Variants in NALCN observed in about 807,000 individuals in gnomAD.
NALCN encodes the protein sodium leak channel NALCN.
In NALCN, 111 loss-of-function variants were observed where a neutral mutation model predicts 225.3. The ratio of observed to expected loss-of-function variants is 0.49; its 90% CI spans 0.42 to 0.58. The LOEUF is 0.58. Ranked by LOEUF, NALCN falls within the 20% of genes least tolerant of loss-of-function variation. NALCN has a pLI of 0.00. For missense variants in NALCN, 1,378 were observed against 2,202.4 expected, an observed-to-expected ratio of 0.63 and a Z score of 7.49; for synonymous variants, 764 against 769.0, an observed-to-expected ratio of 0.99 and a Z score of 0.11.
At chr13:101,341,540 G>A (rs373728851) in intron 7 of NALCN, among the ~76,000 whole-genome samples, 1 of 152,058 alleles carries the variant, frequency 6.6e-6, no homozygotes, top group Non-Finnish European at 1.5e-5. Flanking sequence ...TGCATCCTTC[G>A]AATCTGTAAT....
At chr13:101,392,528 A>C (rs2047175169) in intron 3 of NALCN, among the ~76,000 whole-genome samples, 1 of 152,196 alleles carries the variant, frequency 6.6e-6, no homozygotes, top group South Asian at 2.1e-4. Context: ...ACATACTTCA[A>C]ATCCCAATTT....
In NALCN at chr13:101,055,294, C is replaced by T. The variant is rs1416347189; in HGVS notation, c.*1G>A. The T allele has an allele frequency of 1.2e-6, 2 of 1,610,512 alleles. No individual in the cohort carries two copies. Among genetic ancestry groups the T allele is most frequent in the East Asian group, 4.5e-5 (2 of 44,768 alleles). ...AGAAATTCATCTACATTGACATCCACCTAAATATCCAGAAGGTCATCCCCA... is the reference window on the plus strand; with the variant it reads ...AGAAATTCATCTACATTGACATCCATCTAAATATCCAGAAGGTCATCCCCA... On this transcript the variant is annotated 3_prime_UTR_variant, in exon 44 of 44. Coordinates refer to ENST00000251127, the MANE Select transcript of NALCN (RefSeq NM_052867.4).
At chr13:101,093,154 T>C (rs2034323438) in intron 28 of NALCN, among the ~76,000 whole-genome samples, 1 of 152,192 alleles carries the variant, frequency 6.6e-6, no homozygotes, top group African/African-American at 2.4e-5. Context: ...TTATAATCCA[T>C]GATATGTTTA....
At chr13:101,076,445 G>T (rs1449417452) in intron 34 of NALCN, among the ~76,000 whole-genome samples, 2 of 152,210 alleles carry the variant, frequency 1.3e-5, no homozygotes, top group African/African-American at 4.8e-5. Context: ...TTTTTCAAGG[G>T]TGTGATTAGC....
intron 11 of NALCN, 32 bp downstream of exon 11, chr13:101,258,411 C>T (rs201843665): frequency 3.7e-4 from 598 of 1,612,974 alleles, no homozygotes; most frequent in Middle Eastern, 8.3e-4. Flanking sequence ...CTGCTCCTTG[C>T]CCAGCGATCT....
intron 6 of NALCN, among the ~76,000 whole-genome samples, chr13:101,347,727 G>A (rs1286201041): frequency 6.6e-6 from 1 of 152,098 alleles, no homozygotes; most frequent in East Asian, 1.9e-4. Flanking sequence ...GGGCCTCTAA[G>A]CTCAGCTTCC....
intron 3 of NALCN, among the ~76,000 whole-genome samples, chr13:101,384,849 G>A (rs1048186352): frequency 1.3e-5 from 2 of 152,194 alleles, no homozygotes; most frequent in African/African-American, 2.4e-5. Context: ...GCACCTTCAA[G>A]CTTTGGGAAT....
chr13:101,083,654 C>T, intron 31 of NALCN, 57 bp downstream of exon 31: 1 of 1,529,686 alleles, frequency 6.5e-7, no homozygotes, highest in South Asian at 1.1e-5. Flanking sequence ...TCTGAGACTC[C>T]TGGGGAATCG....
intron 15 of NALCN, among the ~76,000 whole-genome samples, chr13:101,173,411 G>A (rs2038827764): frequency 6.6e-6 from 1 of 152,052 alleles, no homozygotes; most frequent in African/African-American, 2.4e-5. Flanking sequence ...AATTGCCTAG[G>A]TTCAAATTCT....
At chr13:101,063,261 T>C (rs2139414748) in intron 40 of NALCN, among the ~76,000 whole-genome samples, 1 of 152,356 alleles carries the variant, frequency 6.6e-6, no homozygotes, top group South Asian at 2.1e-4. Flanking sequence ...GGGCTTCTCT[T>C]TGCTAAATCT....
intron 7 of NALCN, among the ~76,000 whole-genome samples, chr13:101,306,143 C>T (rs970348089): frequency 2.0e-5 from 3 of 152,144 alleles, no homozygotes; most frequent in Non-Finnish European, 4.4e-5. Context: ...GTGCCCGAGG[C>T]CAGTTGGTGA....
intron 17 of NALCN, among the ~76,000 whole-genome samples, chr13:101,139,396 G>A (rs2036959079): frequency 6.6e-6 from 1 of 152,110 alleles, no homozygotes; most frequent in African/African-American, 2.4e-5. Flanking sequence ...TATTTTCCCT[G>A]GAAAGAGAAA....
intron 13 of NALCN, among the ~76,000 whole-genome samples, chr13:101,195,377 C>G (rs9513866): frequency 0.27 from 41,362 of 152,038 alleles, 6,665 homozygotes; most frequent in Non-Finnish European, 0.37. Context: ...TTGCAAAGAT[C>G]AGTTTTAAAT....
intron 14 of NALCN, among the ~76,000 whole-genome samples, chr13:101,189,564 G>C (rs1016386266): frequency 5.3e-5 from 8 of 152,198 alleles, no homozygotes; most frequent in African/African-American, 1.9e-4. Context: ...GATCAGGGAA[G>C]TTATGTGAGT....
intron 41 of NALCN, among the ~76,000 whole-genome samples, chr13:101,060,925 G>A (rs1274291224): frequency 1.3e-5 from 2 of 152,222 alleles, no homozygotes; most frequent in African/African-American, 4.8e-5. Flanking sequence ...CTTGCTATAG[G>A]AGGTTGAGTT....
At position 101,065,547 on chromosome 13, in the gene NALCN, C is replaced by G. The variant is rs572571158; in HGVS notation, c.4461G>C (p.Thr1487=). 17 of 1,613,924 alleles carry G rather than the reference C, an allele frequency of 1.1e-5. No individual in the cohort carries two copies. Among genetic ancestry groups the G allele is most frequent in the Admixed American group, 3.3e-5 (2 of 60,022 alleles). ...VDDKREGVIP[T]FRVKFLLRLL... ...GCCGCAGCAGGAACTTGACGCGGAA[C>G]GTGGGGATCACCCCCTGCGGGGCAG... Residue 1487 remains threonine (T), a synonymous_variant, in exon 40 of 44, where the codon ACG becomes ACC. Transcript: ENST00000251127.
At chr13:101,190,580 C>T (rs1184844223) in intron 14 of NALCN, among the ~76,000 whole-genome samples, 1 of 152,208 alleles carries the variant, frequency 6.6e-6, no homozygotes, top group Non-Finnish European at 1.5e-5. Context: ...TATAAAAAGG[C>T]CAAAACTATG....
intron 19 of NALCN, 34 bp downstream of exon 19, chr13:101,111,091 G>C: frequency 6.3e-7 from 1 of 1,577,638 alleles, no homozygotes; most frequent in East Asian, 2.3e-5. Context: ...CCCTTTTTTA[G>C]AGTCTCTGAA....
At chr13:101,249,361 T>A (rs1209891490) in intron 11 of NALCN, among the ~76,000 whole-genome samples, 1 of 152,180 alleles carries the variant, frequency 6.6e-6, no homozygotes, top group African/African-American at 2.4e-5. Context: ...TAGATGGTGT[T>A]CCAGAGGGAC....
Sources: allele counts gnomAD v4.1 joint callset (sites outside exome capture counted in the v4.1 genomes callset), GRCh38; gene constraint gnomAD v4.1.1; transcripts MANE v1.5; gene names NCBI Gene and HGNC (gene_info 2026-07-23, HGNC 2026-07-21).